TAGLN3: variants seen among roughly 807,000 people sequenced by gnomAD.
The protein encoded by TAGLN3 is transgelin 3.
A neutral mutation model predicts 25.4 loss-of-function variants in TAGLN3; 12 were observed. The ratio of observed to expected loss-of-function variants is 0.47; its 90% CI spans 0.30 to 0.77. The LOEUF (loss-of-function observed/expected upper bound fraction) is 0.77, where lower values mean the gene tolerates loss of function less well. Ranked by LOEUF, TAGLN3 falls within the 30% of genes least tolerant of loss-of-function variation. The pLI, the probability that TAGLN3 is intolerant of heterozygous loss-of-function variation, is 0.06. For synonymous variants in TAGLN3, 96 were observed against 94.8 expected (o/e 1.01, Z -0.08); for missense variants, 218 against 255.8 (o/e 0.85, Z 1.01).
intron 3 of TAGLN3, among the ~76,000 whole-genome samples, chr3:112,008,125 C>G (rs2072937427): frequency 6.6e-6 from 1 of 152,088 alleles, no homozygotes; most frequent in African/African-American, 2.4e-5. Context: ...GGAGAATGAC[C>G]TCAAAATGCA....
rs185765242 is a variant in TAGLN3, at chr3:111,999,386, G to T, written c.-2-35G>T. 4.4e-4 allele frequency: 703 copies of T among 1,607,176 alleles called. 3 individuals are homozygous for T. The Middle Eastern group carries it at 0.013, about 31-fold the overall frequency. The stretch of plus-strand genomic sequence containing the variant: ...GCCGGAGGCTGCTGCTGCTGCTATT[G>T]TGTGGATGCCGCGCGTGTCTTCTCT... On this transcript the variant is annotated intron_variant, in intron 1 of 4. Transcript: ENST00000478951.
At chr3:112,009,431 C>G (rs1463015093) in intron 3 of TAGLN3, among the ~76,000 whole-genome samples, 6 of 152,170 alleles carry the variant, frequency 3.9e-5, no homozygotes. Context: ...TGGCCTGGCA[C>G]AAAACAGTCA....
intron 3 of TAGLN3, among the ~76,000 whole-genome samples, chr3:112,008,411 C>T (rs1227726787): frequency 6.6e-6 from 1 of 152,194 alleles, no homozygotes; most frequent in Non-Finnish European, 1.5e-5. Context: ...AACTCCTGGG[C>T]TCAAGCAGTC....
intron 3 of TAGLN3, among the ~76,000 whole-genome samples, chr3:112,001,335 T>C (rs148604865): frequency 5.9e-5 from 9 of 152,322 alleles, no homozygotes; most frequent in Admixed American, 4.6e-4. Context: ...CAAAGCCATC[T>C]GGGGCTATTT....
In TAGLN3 at chr3:112,013,799, A is replaced by ATTATTTATTTATTTATTTAT. The variant is rs112929808; in HGVS notation, c.*255_*274dup. On this transcript the variant is annotated 3_prime_UTR_variant, in exon 5 of 5. Coordinates refer to ENST00000478951, the MANE Select transcript of TAGLN3 (RefSeq NM_001008272.2). ...CCTCGGGCCCCAGAGTCTCTGTTTG[A>ATTATTTATTTATTTATTTAT]TTATTTATTTATTTATTTATTTATT... is the stretch of plus-strand genomic sequence containing the variant. The ATTATTTATTTATTTATTTAT allele has an allele frequency of 2.0e-6, 1 of 506,706 alleles. No homozygotes were observed. The highest frequency in any genetic ancestry group is 2.0e-5 in the African/African-American group (1 of 50,480). The allele number at this position is 506,706 out of a possible 1,614,324, so 31.4% of individuals were successfully genotyped here.
chr3:112,013,346 A>G (rs1465412950), intron 4 of TAGLN3, 64 bp from the exon 5 acceptor site: 3 of 1,558,678 alleles, frequency 1.9e-6, no homozygotes, highest in East Asian at 2.3e-5. Flanking sequence ...GTCTAATTGC[A>G]TATCTTGAAA....
At chr3:111,999,162 A>C in intron 1 of TAGLN3, 48 bp downstream of exon 1, 1 of 384,060 alleles carries the variant, frequency 2.6e-6, no homozygotes, top group Non-Finnish European at 4.8e-6. Context: ...CGGGATAGGG[A>C]GGGGGATTCC....
At chr3:112,008,912 A>C (rs2072947663) in intron 3 of TAGLN3, among the ~76,000 whole-genome samples, 1 of 152,210 alleles carries the variant, frequency 6.6e-6, no homozygotes, top group Admixed American at 6.5e-5. Context: ...ACGGTTCTGC[A>C]GAGTGTACAG....
intron 3 of TAGLN3, among the ~76,000 whole-genome samples, chr3:112,006,231 T>G (rs1010660020): frequency 5.3e-5 from 8 of 152,126 alleles, no homozygotes; most frequent in African/African-American, 1.9e-4. Context: ...CAGCAGAGTT[T>G]CTGAGGTAAT....
intron 4 of TAGLN3, among the ~76,000 whole-genome samples, chr3:112,012,254 C>CCCTTCCTTCCTTCCTT (rs71131995): frequency 6.1e-4 from 45 of 74,080 alleles, no homozygotes; most frequent in South Asian, 1.4e-3. Flanking sequence ...CTCCCTCCCT[C>CCCTTCCTTCCTTCCTT]CCTTCCTTCC....
At chr3:112,003,305 A>G (rs2072881656) in intron 3 of TAGLN3, among the ~76,000 whole-genome samples, 1 of 152,138 alleles carries the variant, frequency 6.6e-6, no homozygotes, top group Non-Finnish European at 1.5e-5. Flanking sequence ...GCTTAGGCCA[A>G]TGCTGGTCAC....
In TAGLN3 at chr3:112,013,579, G is replaced by A; in HGVS notation, c.*28G>A. 6.2e-7 allele frequency: 1 copy of A among 1,613,920 alleles called. No individual in the cohort carries two copies. The highest frequency in any genetic ancestry group is 8.5e-7 in the Non-Finnish European group (1 of 1,179,878). ...CGCGGCATCCTGCCCCTGGTAGAGA[G>A]GACGAATGTTCCACACCATGGTCTC... On this transcript the variant is annotated 3_prime_UTR_variant, in exon 5 of 5. Coordinates refer to ENST00000478951, the MANE Select transcript of TAGLN3 (RefSeq NM_001008272.2).
At chr3:112,002,962 C>T (rs2072878003) in intron 3 of TAGLN3, among the ~76,000 whole-genome samples, 1 of 152,008 alleles carries the variant, frequency 6.6e-6, no homozygotes, top group African/African-American at 2.4e-5. Flanking sequence ...TCGCCTGAGC[C>T]AGGGCCGTGG....
At chr3:112,008,647 C>T (rs944781118) in intron 3 of TAGLN3, among the ~76,000 whole-genome samples, 9 of 152,098 alleles carry the variant, frequency 5.9e-5, no homozygotes, top group African/African-American at 2.2e-4. Context: ...TCTGAACTGG[C>T]AAAACAAGAC....
intron 1 of TAGLN3, 90 bp downstream of exon 1, chr3:111,999,204 A>G (rs1185814304): frequency 3.9e-6 from 2 of 510,898 alleles, no homozygotes; most frequent in Non-Finnish European, 6.9e-6. Flanking sequence ...GGTTTATTCT[A>G]GAGTTACTGG....
chr3:112,013,414 G>T lies in TAGLN3; in HGVS notation c.463G>T (p.Ala155Ser). ...RGEPSWFHRK[A>S]QQNRRGFSEE... ...CCTCTCACTTTCCTTGTCCAGGAAA[G>T]CCCAGCAGAATCGGAGAGGCTTTTC... is the stretch of plus-strand genomic sequence containing the variant. Residue 155 changes from alanine to serine, a missense_variant, in exon 5 of 5, where the codon GCC becomes TCC. Transcript: ENST00000478951. The T allele has an allele frequency of 1.2e-6, 2 of 1,611,832 alleles. No individual in the cohort carries two copies. The highest frequency in any genetic ancestry group is 1.7e-6 in the Non-Finnish European group (2 of 1,178,220).
Position 112,013,511 on chromosome 3 carries a change from C to T in TAGLN3, c.560C>T (p.Ala187Val), listed in dbSNP as rs370397880. 3.7e-6 allele frequency: 6 copies of T among 1,614,198 alleles called. No homozygotes were observed. The highest frequency in any genetic ancestry group is 5.1e-6 in the Non-Finnish European group (6 of 1,180,020). Residue 187 changes from alanine to valine, a missense_variant, in exon 5 of 5, where the codon GCG becomes GTG. Coordinates refer to ENST00000478951, the MANE Select transcript of TAGLN3 (RefSeq NM_001008272.2). ...QMGSNKGASQ[A>V]GMTGYGMPRQ... ...GGCAGCAACAAGGGAGCCTCCCAGGCGGGCATGACAGGGTACGGGATGCCC... is the reference window on the plus strand; with the variant it reads ...GGCAGCAACAAGGGAGCCTCCCAGGTGGGCATGACAGGGTACGGGATGCCC...
In TAGLN3 at chr3:112,000,890, C is replaced by G; in HGVS notation, c.299C>G (p.Ala100Gly). 1 of 1,614,126 alleles carries G rather than the reference C, an allele frequency of 6.2e-7. No homozygotes were observed. Residue 100 changes from alanine (A) to glycine (G), a missense_variant, in exon 3 of 5, where the codon GCG (alanine) becomes GGG (glycine). Coordinates refer to ENST00000478951, the MANE Select transcript of TAGLN3 (RefSeq NM_001008272.2). ...CAAATCTCCCAGTTCCTAAAAGCTG[C>G]GGAGACCTATGGTGTCAGAACCACC... The part of the protein sequence containing the change: ...MEQISQFLKA[A>G]ETYGVRTTDI...
intron 3 of TAGLN3, 23 bp downstream of exon 3, chr3:112,000,969 G>C: frequency 6.2e-7 from 1 of 1,609,292 alleles, no homozygotes; most frequent in South Asian, 1.1e-5. Context: ...CTGGCCTTTG[G>C]GATTGTTCTT....
Sources: gnomAD v4.1 joint callset for allele counts (sites outside exome capture counted in the v4.1 genomes callset) on GRCh38, gnomAD v4.1.1 for gene constraint, MANE v1.5 for transcripts, NCBI Gene and HGNC (gene_info 2026-07-23, HGNC 2026-07-21) for gene names.